The following CORO2B variants were observed in gnomAD, a reference collection of about 807,000 sequenced individuals.
CORO2B encodes coronin 2B, also known as coronin-2B.
In CORO2B, 26 loss-of-function variants were observed where a neutral mutation model predicts 58.8. The ratio of observed to expected loss-of-function variants is 0.44; its 90% CI spans 0.32 to 0.61. CORO2B has a LOEUF of 0.61. Among genes scored for constraint, CORO2B ranks in the 20% least tolerant of loss-of-function variants. CORO2B has a pLI of 0.04. For synonymous variants in CORO2B, 242 were observed against 253.8 expected (o/e 0.95, Z 0.44); for missense variants, 460 against 645.1 (o/e 0.71, Z 3.11).
At chr15:68,543,157 A>G in the CORO2B span, among the ~76,000 whole-genome samples, 2 of 152,288 alleles carry the variant, frequency 1.3e-5, no homozygotes, top group African/African-American at 4.8e-5. Flanking sequence ...TATCTCCACA[A>G]ATTGCAGTGA....
At chr15:68,704,010 A>G (rs12917469) in intron 3 of CORO2B, among the ~76,000 whole-genome samples, 26,936 of 148,446 alleles carry the variant, frequency 0.18, 3,020 homozygotes, top group Non-Finnish European at 0.25. Context: ...CCTGGGCAAT[A>G]TGGCAAAAAC....
chr15:68,651,208 G>C (rs1901629736), intron 2 of CORO2B, among the ~76,000 whole-genome samples: 1 of 152,232 alleles, frequency 6.6e-6, no homozygotes, highest in Non-Finnish European at 1.5e-5. Flanking sequence ...GGATGACTTA[G>C]GTATTGGAGC....
At chr15:68,624,344 CT>C (rs1466892238) in intron 1 of CORO2B, among the ~76,000 whole-genome samples, 19 of 152,318 alleles carry the variant, frequency 1.2e-4, no homozygotes, top group African/African-American at 4.1e-4. Context: ...CACCACTGTA[CT>C]CCAGCCTGGG....
chr15:68,581,045 G>A lies in CORO2B; in HGVS notation c.15+1768G>A, dbSNP rs116704388. Among the ~76,000 whole-genome samples the A allele has an allele frequency of 9.2e-3, 1,406 of 152,270 alleles. 30 individuals carry two copies. Among genetic ancestry groups the A allele is most frequent in the African/African-American group, 0.031 (1,288 of 41,560 alleles). ...GATCTTTGCACTGCTCTGCATCGTT[G>A]GGCATCCTGGCTACTGGGGGACTTC... On this transcript the variant is annotated intron_variant, in intron 1 of 11. Coordinates refer to ENST00000261861, the MANE Select transcript of CORO2B (RefSeq NM_006091.5).
At chr15:68,611,842 G>A (rs1431038321) in intron 1 of CORO2B, among the ~76,000 whole-genome samples, 1 of 150,722 alleles carries the variant, frequency 6.6e-6, no homozygotes, top group East Asian at 1.9e-4. Flanking sequence ...CATGATCTCA[G>A]CTCACTGCAG....
chr15:68,531,973 C>G, the CORO2B span, among the ~76,000 whole-genome samples: 12 of 151,862 alleles, frequency 7.9e-5, no homozygotes, highest in East Asian at 2.3e-3. Flanking sequence ...CTTTTAGCAC[C>G]TTAAAAATGT....
At chr15:68,673,835 TAAAAA>T (rs10579845) in intron 2 of CORO2B, among the ~76,000 whole-genome samples, 9 of 92,688 alleles carry the variant, frequency 9.7e-5, no homozygotes, top group Admixed American at 1.2e-4. Flanking sequence ...AGACTCCGTC[TAAAAA>T]AAAAAAAAAA....
chr15:68,612,893 G>T (rs1028248109), intron 1 of CORO2B, among the ~76,000 whole-genome samples: 5 of 152,148 alleles, frequency 3.3e-5, no homozygotes, highest in South Asian at 2.1e-4. Context: ...CTTGCTCCTT[G>T]TGGCTCATTT....
chr15:68,561,176 C>T, the CORO2B span, among the ~76,000 whole-genome samples: 1 of 152,164 alleles, frequency 6.6e-6, no homozygotes, highest in East Asian at 1.9e-4. Flanking sequence ...CAGAATCTGT[C>T]AGGCCTGAGG....
chr15:68,719,314 C>A, intron 10 of CORO2B, 80 bp downstream of exon 10: 1 of 1,596,948 alleles, frequency 6.3e-7, no homozygotes, highest in Non-Finnish European at 8.6e-7. Context: ...TTCTCCTTGT[C>A]TGTCCCCCTG....
intron 3 of CORO2B, among the ~76,000 whole-genome samples, chr15:68,699,106 T>A (rs941465821): frequency 1.3e-5 from 2 of 152,018 alleles, no homozygotes; most frequent in African/African-American, 4.8e-5. Flanking sequence ...CTGGAGAGAA[T>A]GCATATACAG....
intron 2 of CORO2B, among the ~76,000 whole-genome samples, chr15:68,670,068 A>G (rs569684295): frequency 9.5e-5 from 14 of 146,768 alleles, no homozygotes; most frequent in African/African-American, 3.6e-4. Context: ...GAAAAAAAAA[A>G]GGGGGGGAAA....
chr15:68,621,495 G>T lies in CORO2B; in HGVS notation c.16-23665G>T, dbSNP rs79806506. Among the ~76,000 whole-genome samples the T allele has an allele frequency of 8.4e-3, 1,273 of 152,302 alleles. 8 individuals carry two copies. The highest frequency in any genetic ancestry group is 0.014 in the Non-Finnish European group (955 of 68,026). On this transcript the variant is annotated intron_variant, in intron 1 of 11. Coordinates refer to ENST00000261861, the MANE Select transcript of CORO2B (RefSeq NM_006091.5). ...AGGAGGCATTCCTGAAAGGGGACCT[G>T]CCCAGGGTTCCACACTGGCCTGAAC...
chr15:68,579,162 C>G lies in CORO2B; in HGVS notation c.-101C>G, dbSNP rs929906013. On this transcript the variant is annotated 5_prime_UTR_variant, in exon 1 of 12. Coordinates refer to ENST00000261861, the MANE Select transcript of CORO2B (RefSeq NM_006091.5). ...CGAGCCGCCGGCGGGGCGCGGGGAG[C>G]GAGCCGGGAGCTGCCGGACCCCCTT... 2 of 980,932 alleles carry G rather than the reference C, an allele frequency of 2.0e-6. No individual in the cohort carries two copies. The highest frequency in any genetic ancestry group is 2.4e-6 in the Non-Finnish European group (2 of 828,116). 60.8% of individuals were successfully genotyped at this position (980,932 alleles called of 1,614,324 possible). A position where few individuals can be genotyped will look rare whatever the true frequency, so the allele number is the denominator to read the frequency against.
intron 1 of CORO2B, among the ~76,000 whole-genome samples, chr15:68,597,618 C>T (rs1255529773): frequency 2.4e-5 from 3 of 127,120 alleles, no homozygotes; most frequent in Non-Finnish European, 3.4e-5. Context: ...ATTTCTGTTT[C>T]CCCCCCATCA....
At chr15:68,703,237 G>A (rs570907300) in intron 3 of CORO2B, among the ~76,000 whole-genome samples, 5 of 142,916 alleles carry the variant, frequency 3.5e-5, no homozygotes, top group East Asian at 2.1e-4. Context: ...TGCAACCTCC[G>A]ACTCCCTGGT....
rs756964492 is a variant in CORO2B at position 68,645,308 on chromosome 15, T to C, written c.164T>C (p.Ile55Thr). The C allele has an allele frequency of 6.2e-7, 1 of 1,613,568 alleles. No homozygotes were observed. Among genetic ancestry groups the C allele is most frequent in the Admixed American group, 1.7e-5 (1 of 60,016 alleles). ...GCCGTCAACACCCGCTTCCTGGCCATCGTCACCGAGAGCGCAGGGGGCGGC... is the reference window on the plus strand; with the variant it reads ...GCCGTCAACACCCGCTTCCTGGCCACCGTCACCGAGAGCGCAGGGGGCGGC... ...FCAVNTRFLAIVTESAGGGSF... is the reference protein window; with the variant it reads ...FCAVNTRFLATVTESAGGGSF... The change falls in exon 2 of 12, where the codon ATC (isoleucine) becomes ACC (threonine). Residue 55 changes from isoleucine (I) to threonine (T), a missense_variant. By Grantham distance (89) the Ile-to-Thr change is moderately conservative. Transcript: ENST00000261861. The surrounding 1 kb of genome is among the most constrained non-coding windows in gnomAD (Gnocchi z 4.5).
chr15:68,623,242 G>T (rs1365499152), intron 1 of CORO2B, among the ~76,000 whole-genome samples: 1 of 152,214 alleles, frequency 6.6e-6, no homozygotes, highest in African/African-American at 2.4e-5. Context: ...GGGTCACACA[G>T]CGAGGAACCG....
At chr15:68,522,727 G>T in the CORO2B span, among the ~76,000 whole-genome samples, 1 of 152,268 alleles carries the variant, frequency 6.6e-6, no homozygotes, top group Admixed American at 6.5e-5. Context: ...ATAGATTGTT[G>T]TTCTCAAGCA....
Sources: allele counts gnomAD v4.1 joint callset (sites outside exome capture counted in the v4.1 genomes callset), GRCh38; gene constraint gnomAD v4.1.1; non-coding constraint Gnocchi (gnomAD v3.1); transcripts MANE v1.5; gene names NCBI Gene and HGNC (gene_info 2026-07-23, HGNC 2026-07-21).